TAFA5: variants seen among roughly 807,000 people sequenced by gnomAD.
TAFA5 encodes TAFA chemokine like family member 5, also known as chemokine-like protein TAFA-5.
TAFA5 carries 6 observed loss-of-function variants against 15.3 expected under a neutral mutation model. The ratio of observed to expected loss-of-function variants is 0.39; its 90% CI spans 0.21 to 0.77. The LOEUF (loss-of-function observed/expected upper bound fraction) is 0.77. Ranked by LOEUF, TAFA5 falls within the 30% of genes least tolerant of loss-of-function variation. The pLI is 0.41. For synonymous variants in TAFA5, 103 were observed against 80.7 expected (o/e 1.28, Z -1.48); for missense variants, 161 against 193.1 (o/e 0.83, Z 0.98).
At chr22:48,625,692 A>G (rs1027738373) in intron 1 of TAFA5, among the ~76,000 whole-genome samples, 3 of 152,184 alleles carry the variant, frequency 2.0e-5, no homozygotes, top group African/African-American at 7.2e-5. Flanking sequence ...TGGAATGCCC[A>G]ACCTAGTAAA....
intron 3 of TAFA5, among the ~76,000 whole-genome samples, chr22:48,723,869 T>G (rs77123722): frequency 0.018 from 2,742 of 152,334 alleles, 89 homozygotes; most frequent in African/African-American, 0.063. Flanking sequence ...GTTCTCTGTG[T>G]AGGAAAAGGA....
intron 2 of TAFA5, among the ~76,000 whole-genome samples, chr22:48,673,168 G>T (rs189271477): frequency 6.6e-6 from 1 of 152,176 alleles, no homozygotes; most frequent in Non-Finnish European, 1.5e-5. Context: ...CTCCATCACC[G>T]TCATCTTCTC....
chr22:48,701,241 G>A (rs1032490681), intron 2 of TAFA5, among the ~76,000 whole-genome samples: 8 of 152,112 alleles, frequency 5.3e-5, no homozygotes, highest in African/African-American at 1.9e-4. Flanking sequence ...CGGACCTAGA[G>A]GTGGCTTCCA....
chr22:48,647,367 T>C (rs546532542), intron 2 of TAFA5, among the ~76,000 whole-genome samples: 42 of 152,192 alleles, frequency 2.8e-4, no homozygotes, highest in African/African-American at 9.9e-4. Context: ...GGGCACCTGC[T>C]ATGAGGTGAC....
intron 1 of TAFA5, among the ~76,000 whole-genome samples, chr22:48,639,513 C>T (rs551699641): frequency 2.1e-3 from 316 of 152,312 alleles, no homozygotes; most frequent in African/African-American, 7.3e-3. Flanking sequence ...CTCCAGAGGG[C>T]CCAGGCTGAG....
Position 48,674,153 on chromosome 22 carries a change from C to T in TAFA5, c.262+27407C>T, listed in dbSNP as rs539203120. Among the ~76,000 whole-genome samples the T allele has an allele frequency of 1.1e-4, 16 of 152,300 alleles. No individual in the cohort carries two copies. The East Asian group carries it at 1.5e-3, about 15-fold the overall frequency. ...CCTCCGCCCTTCCTCCTGCTTGGGC[C>T]GGGCGGTGCAGATGTAGGTCCCGGT... On this transcript the variant is annotated intron_variant, in intron 2 of 3. Transcript: ENST00000402357.
intron 2 of TAFA5, 100 bp from the exon 3 acceptor site, chr22:48,707,617 G>A: frequency 1.4e-6 from 2 of 1,446,632 alleles, no homozygotes; most frequent in Non-Finnish European, 9.4e-7. Flanking sequence ...GGCATTGCCT[G>A]AGGGCCCCCC....
Position 48,688,766 on chromosome 22 carries a change from G to A in TAFA5, c.263-18951G>A, listed in dbSNP as rs7292494. Among the ~76,000 whole-genome samples, 1,030 of 152,198 alleles carry A rather than the reference G, an allele frequency of 6.8e-3. 16 individuals are homozygous for A. Among genetic ancestry groups the A allele is most frequent in the African/African-American group, 0.023 (968 of 41,524 alleles). ...AGCACTTTGGGAGGCCAAGGCTGGC[G>A]GATCACCTGAGGTCAGGAGTTCGAG... On this transcript the variant is annotated intron_variant, in intron 2 of 3. Coordinates refer to ENST00000402357, the MANE Select transcript of TAFA5 (RefSeq NM_001082967.3).
chr22:48,588,625 C>T (rs1405378262), intron 1 of TAFA5, among the ~76,000 whole-genome samples: 3 of 152,142 alleles, frequency 2.0e-5, no homozygotes, highest in Non-Finnish European at 4.4e-5. Context: ...GGGCTATGGT[C>T]TCTTGCTGTG....
At chr22:48,745,896 C>A (rs527537836) in intron 3 of TAFA5, among the ~76,000 whole-genome samples, 317 of 152,316 alleles carry the variant, frequency 2.1e-3, no homozygotes, top group Non-Finnish European at 3.6e-3. Flanking sequence ...ACCACACACG[C>A]GTCAGAGGAG....
At chr22:48,504,400 C>A (rs1367478999) in intron 1 of TAFA5, among the ~76,000 whole-genome samples, 2 of 152,200 alleles carry the variant, frequency 1.3e-5, no homozygotes, top group Non-Finnish European at 2.9e-5. Flanking sequence ...GGGGGCTGGG[C>A]AGGGGGGCAG....
At chr22:48,737,893 G>C (rs775441816) in intron 3 of TAFA5, among the ~76,000 whole-genome samples, 20 of 152,180 alleles carry the variant, frequency 1.3e-4, no homozygotes, top group Non-Finnish European at 1.9e-4. Context: ...CCGAGCGTGA[G>C]ATGCTGAGTG....
intron 2 of TAFA5, among the ~76,000 whole-genome samples, chr22:48,659,055 G>T (rs188964326): frequency 6.6e-6 from 1 of 152,340 alleles, no homozygotes; most frequent in African/African-American, 2.4e-5. Flanking sequence ...AGCAGAGTCC[G>T]GGGCAAGTCT....
intron 1 of TAFA5, among the ~76,000 whole-genome samples, chr22:48,601,012 C>T (rs1924950566): frequency 6.6e-6 from 1 of 152,248 alleles, no homozygotes; most frequent in South Asian, 2.1e-4. Context: ...AGAGCTGATG[C>T]TATCCTTGGT....
chr22:48,746,358 G>A (rs1420232867), intron 3 of TAFA5, among the ~76,000 whole-genome samples: 1 of 152,122 alleles, frequency 6.6e-6, no homozygotes, highest in Non-Finnish European at 1.5e-5. Flanking sequence ...GCTGGACATG[G>A]TGGCACGTGC....
At chr22:48,532,845 G>C (rs1446540805) in intron 1 of TAFA5, among the ~76,000 whole-genome samples, 1 of 152,222 alleles carries the variant, frequency 6.6e-6, no homozygotes, top group East Asian at 1.9e-4. Context: ...TGAGGAATGA[G>C]TCCTAGGATT....
intron 3 of TAFA5, among the ~76,000 whole-genome samples, chr22:48,735,281 C>T (rs1253132638): frequency 6.6e-6 from 1 of 152,204 alleles, no homozygotes; most frequent in Non-Finnish European, 1.5e-5. Context: ...AAACGTAGGA[C>T]AGTCCAGTCA....
rs73423884 is a variant in TAFA5, at chr22:48,550,569, C to G, written c.112+60865C>G. ...GTATCAAAGCAGATATGCCCTGCCC[C>G]CTACCCTCATCCCACGGTTCCTAGC... On this transcript the variant is annotated intron_variant, in intron 1 of 3. Transcript: ENST00000402357. The surrounding 1 kb of genome is among the most constrained non-coding windows in gnomAD (Gnocchi z 4.1). 7.5e-3 allele frequency among the ~76,000 whole-genome samples: 1,141 copies of G among 152,284 alleles called. 18 individuals are homozygous for G. The highest frequency in any genetic ancestry group is 0.026 in the African/African-American group (1,073 of 41,560).
At chr22:48,564,107 C>T (rs1923330330) in intron 1 of TAFA5, among the ~76,000 whole-genome samples, 1 of 152,194 alleles carries the variant, frequency 6.6e-6, no homozygotes, top group South Asian at 2.1e-4. Context: ...GGAGTGCGGT[C>T]CACAAAGGCG....
Sources: gnomAD v4.1 joint callset for allele counts (sites outside exome capture counted in the v4.1 genomes callset) on GRCh38, gnomAD v4.1.1 for gene constraint, Gnocchi (gnomAD v3.1) non-coding constraint, MANE v1.5 for transcripts, NCBI Gene and HGNC (gene_info 2026-07-23, HGNC 2026-07-21) for gene names.